Variants in FBN2 observed in about 807,000 individuals in gnomAD.
The protein encoded by FBN2 is fibrillin-2.
FBN2 carries 105 observed loss-of-function variants against 355.6 expected under a neutral mutation model. The observed-to-expected ratio is 0.30, with a 90% confidence interval of 0.25 to 0.35. FBN2 has a LOEUF of 0.35. Among genes scored for constraint, FBN2 ranks in the 10% least tolerant of loss-of-function variants. The probability of loss-of-function intolerance (pLI) is 1.00; values close to 1 mark genes in which losing one functional copy is unlikely to be tolerated. For missense variants in FBN2, 3,280 were observed against 3,758.7 expected, an observed-to-expected ratio of 0.87 and a Z score of 3.33; for synonymous variants, 1,350 against 1,301.2, an observed-to-expected ratio of 1.04 and a Z score of -0.81.
intron 5 of FBN2, among the ~76,000 whole-genome samples, chr5:128,471,074 G>A (rs958752983): frequency 1.3e-5 from 2 of 152,134 alleles, no homozygotes; most frequent in Admixed American, 6.6e-5. Context: ...AGGCAAGAAG[G>A]TATTTATGTT....
At chr5:128,449,535 A>C (rs1214053222) in intron 6 of FBN2, among the ~76,000 whole-genome samples, 1 of 150,600 alleles carries the variant, frequency 6.6e-6, no homozygotes, top group Non-Finnish European at 1.5e-5. Flanking sequence ...AATACGTATA[A>C]ACACTAAAAA....
intron 6 of FBN2, among the ~76,000 whole-genome samples, chr5:128,460,302 A>T (rs1435305456): frequency 6.6e-6 from 1 of 152,182 alleles, no homozygotes; most frequent in African/African-American, 2.4e-5. Context: ...CTTACGAGGG[A>T]TGTGAAAGGC....
chr5:128,368,437 C>CAT (rs1215643724), intron 16 of FBN2, among the ~76,000 whole-genome samples: 1,008 of 97,590 alleles, frequency 0.01, 49 homozygotes, highest in East Asian at 0.015. Flanking sequence ...TATATATACA[C>CAT]ATATATACAT....
intron 7 of FBN2, among the ~76,000 whole-genome samples, chr5:128,429,212 C>T (rs1040520083): frequency 2.0e-5 from 3 of 152,150 alleles, no homozygotes; most frequent in African/African-American, 4.8e-5. Flanking sequence ...AAAAGATCCC[C>T]AATACCGTTC....
At chr5:128,292,996 A>C (rs1749371685) in intron 48 of FBN2, among the ~76,000 whole-genome samples, 1 of 152,210 alleles carries the variant, frequency 6.6e-6, no homozygotes, top group African/African-American at 2.4e-5. Context: ...CTTAGGTAGT[A>C]AGTTACCCCA....
At chr5:128,355,249 A>G (rs1261429832) in intron 20 of FBN2, among the ~76,000 whole-genome samples, 2 of 152,196 alleles carry the variant, frequency 1.3e-5, no homozygotes, top group Admixed American at 6.5e-5. Flanking sequence ...ACAGCCATAT[A>G]TCCATGCAAG....
intron 5 of FBN2, among the ~76,000 whole-genome samples, chr5:128,482,775 A>G (rs1755229438): frequency 1.3e-5 from 2 of 152,206 alleles, no homozygotes; most frequent in South Asian, 4.1e-4. Flanking sequence ...TTACAAAGGT[A>G]TAACTACTTA....
chr5:128,276,013 C>T (rs191474216), intron 59 of FBN2, 25 bp downstream of exon 59: 66 of 1,612,326 alleles, frequency 4.1e-5, no homozygotes, highest in African/African-American at 4.0e-4. Flanking sequence ...ACTAGGGTCA[C>T]GATTGTCAGA....
At chr5:128,350,136 G>T in intron 21 of FBN2, 131 bp from the exon 22 acceptor site, 1 of 753,366 alleles carries the variant, frequency 1.3e-6, no homozygotes, top group Non-Finnish European at 2.3e-6. Context: ...AGGGTCCAAG[G>T]ACATCATTGT....
At chr5:128,502,865 G>T (rs1485125573) in intron 5 of FBN2, among the ~76,000 whole-genome samples, 2 of 152,158 alleles carry the variant, frequency 1.3e-5, no homozygotes, top group Non-Finnish European at 2.9e-5. Flanking sequence ...TTCTTTATGT[G>T]CTATGACACT....
At chr5:128,290,710 C>G (rs1015705245) in intron 50 of FBN2, 22 bp downstream of exon 50, 2 of 1,613,246 alleles carry the variant, frequency 1.2e-6, no homozygotes, top group Non-Finnish European at 1.7e-6. Flanking sequence ...AAAGTGCTGT[C>G]TGATGATGTC....
chr5:128,387,672 A>G (rs548875074), intron 11 of FBN2, among the ~76,000 whole-genome samples: 30 of 151,968 alleles, frequency 2.0e-4, no homozygotes, highest in African/African-American at 7.0e-4. Flanking sequence ...TGCTTTTATT[A>G]GTTATTAAAA....
rs118163922 is a variant in FBN2 at position 128,280,914 on chromosome 5, T to G, written c.7013-597A>C. Reference sequence around the variant, plus strand: ...CACTAAAATTCTCTATATCCTTACTTTTTGTGCTTTTTTGATATTTTGTAA... The same window carrying G: ...CACTAAAATTCTCTATATCCTTACTGTTTGTGCTTTTTTGATATTTTGTAA... On this transcript the variant is annotated intron_variant, in intron 55 of 64. Transcript: ENST00000262464. Among the ~76,000 whole-genome samples, 17 of 152,302 alleles carry G rather than the reference T, an allele frequency of 1.1e-4. No homozygotes were observed. In the East Asian group the frequency reaches 3.3e-3, roughly 29 times the overall value.
At chr5:128,307,918 C>T (rs546383922) in intron 41 of FBN2, among the ~76,000 whole-genome samples, 1 of 151,942 alleles carries the variant, frequency 6.6e-6, no homozygotes, top group East Asian at 1.9e-4. Flanking sequence ...CAAGTGCTAT[C>T]AGGTCAGGGA....
rs776114383 is a variant in FBN2, at chr5:128,537,529, G to T, written c.75C>A (p.Gly25=). The change falls in exon 1 of 65, where the codon GGC becomes GGA. Residue 25 remains glycine (G), a synonymous_variant. Coordinates refer to ENST00000262464, the MANE Select transcript of FBN2 (RefSeq NM_001999.4). ...WLGCVVLWAQ[G]TAGQPQPPPP... ...GAGGAGGCTGAGGCTGGCCGGCCGT[G>T]CCCTGCGCCCAGAGCACCACACAGC... 7 of 1,584,158 alleles carry T rather than the reference G, an allele frequency of 4.4e-6. No individual in the cohort carries two copies. Among genetic ancestry groups the T allele is most frequent in the Non-Finnish European group, 8.6e-7 (1 of 1,168,144 alleles).
At chr5:128,308,602 G>A (rs958129586) in intron 41 of FBN2, among the ~76,000 whole-genome samples, 7 of 152,036 alleles carry the variant, frequency 4.6e-5, no homozygotes, top group African/African-American at 1.7e-4. Context: ...AGAGCCTGAT[G>A]GACAGCAATT....
chr5:128,493,274 T>C (rs1237468949), intron 5 of FBN2, among the ~76,000 whole-genome samples: 1 of 152,080 alleles, frequency 6.6e-6, no homozygotes, highest in Non-Finnish European at 1.5e-5. Context: ...TACAAAGCTA[T>C]GGGGTGAAAA....
chr5:128,361,588 AT>A lies in FBN2; in HGVS notation c.2554+134del, dbSNP rs3215047. 87,340 of 1,135,240 alleles carry A rather than the reference AT, an allele frequency of 0.077. 3,734 individuals carry two copies. The highest frequency in any genetic ancestry group is 0.088 in the Non-Finnish European group (67,800 of 773,270). The allele number at this position is 1,135,240 out of a possible 1,614,324, so 70.3% of individuals were successfully genotyped here. A position where few individuals can be genotyped will look rare whatever the true frequency, so the allele number is the denominator to read the frequency against. On this transcript the variant is annotated intron_variant, in intron 19 of 64. Coordinates refer to ENST00000262464, the MANE Select transcript of FBN2 (RefSeq NM_001999.4). ...TCCTTACTATTTCAAAAACTGGCAG[AT>A]TAGCTAAATGAGATTATAAAATAAA...
At chr5:128,535,466 G>C (rs1030987507) in intron 2 of FBN2, among the ~76,000 whole-genome samples, 4 of 152,114 alleles carry the variant, frequency 2.6e-5, no homozygotes, top group Non-Finnish European at 4.4e-5. Flanking sequence ...GTCAAGACTG[G>C]CTCTAAATGA....
Sources: gnomAD v4.1 joint callset for allele counts (sites outside exome capture counted in the v4.1 genomes callset) on GRCh38, gnomAD v4.1.1 for gene constraint, MANE v1.5 for transcripts, NCBI Gene and HGNC (gene_info 2026-07-23, HGNC 2026-07-21) for gene names.